MCTP1: variants seen among roughly 807,000 people sequenced by gnomAD.
MCTP1 encodes the protein multiple C2 and transmembrane domain containing 1, also known as multiple C2 and transmembrane domain-containing protein 1.
Under a neutral mutation model 120.6 loss-of-function variants are expected in MCTP1, and 69 were observed. The observed-to-expected ratio is 0.57, with a 90% CI of 0.47 to 0.70. The LOEUF is 0.70. Ranked by LOEUF, MCTP1 falls within the 30% of genes least tolerant of loss-of-function variation. MCTP1 has a pLI of 0.00. For missense variants in MCTP1, 1,203 were observed against 1,248.8 expected (o/e 0.96, Z 0.55); for synonymous variants, 529 against 493.1 (o/e 1.07, Z -0.96).
chr5:94,736,561 T>C (rs978486866), intron 19 of MCTP1, among the ~76,000 whole-genome samples: 3 of 152,170 alleles, frequency 2.0e-5, no homozygotes, highest in Non-Finnish European at 4.4e-5. Flanking sequence ...GCAATGTAAA[T>C]ATAGATTAAC....
intron 1 of MCTP1, among the ~76,000 whole-genome samples, chr5:95,100,131 G>C (rs1756615350): frequency 8.0e-6 from 1 of 124,712 alleles, no homozygotes; most frequent in South Asian, 3.1e-4. Context: ...TGTGGGGTGG[G>C]GGGAGGGGGG....
At chr5:94,711,937 A>G (rs1757191507) in intron 20 of MCTP1, among the ~76,000 whole-genome samples, 1 of 152,084 alleles carries the variant, frequency 6.6e-6, no homozygotes, top group Non-Finnish European at 1.5e-5. Flanking sequence ...ATCATAAAGA[A>G]AATAGAAACA....
chr5:94,953,886 T>A (rs1380609704), intron 2 of MCTP1, among the ~76,000 whole-genome samples: 1 of 103,234 alleles, frequency 9.7e-6, no homozygotes, highest in South Asian at 2.9e-4. Flanking sequence ...TATATGCATA[T>A]ATATACAAAT....
intron 1 of MCTP1, among the ~76,000 whole-genome samples, chr5:95,162,047 A>G (rs1745799572): frequency 6.6e-6 from 1 of 152,204 alleles, no homozygotes; most frequent in Non-Finnish European, 1.5e-5. Context: ...TGCTCCAAGC[A>G]TTTAGAATTA....
chr5:95,136,454 A>C (rs1022869115), intron 1 of MCTP1, among the ~76,000 whole-genome samples: 11 of 152,140 alleles, frequency 7.2e-5, no homozygotes, highest in Non-Finnish European at 1.6e-4. Flanking sequence ...AATTGGGATG[A>C]AGAGGGAGAG....
intron 1 of MCTP1, among the ~76,000 whole-genome samples, chr5:95,244,036 A>C (rs139674869): frequency 6.6e-6 from 1 of 152,248 alleles, no homozygotes; most frequent in African/African-American, 2.4e-5. Flanking sequence ...TGCAACCTTA[A>C]AAGACAGAGA....
chr5:95,188,862 G>T (rs1749523724), intron 1 of MCTP1, among the ~76,000 whole-genome samples: 1 of 152,114 alleles, frequency 6.6e-6, no homozygotes, highest in African/African-American at 2.4e-5. Flanking sequence ...AACATCAGTA[G>T]ATGATAACAA....
At chr5:95,179,011 A>G (rs1748323722) in intron 1 of MCTP1, among the ~76,000 whole-genome samples, 1 of 152,250 alleles carries the variant, frequency 6.6e-6, no homozygotes, top group Non-Finnish European at 1.5e-5. Context: ...AATCAAGGAT[A>G]CACTTAGAGA....
intron 17 of MCTP1, among the ~76,000 whole-genome samples, chr5:94,831,476 A>T (rs1230280139): frequency 6.6e-6 from 1 of 152,224 alleles, no homozygotes; most frequent in African/African-American, 2.4e-5. Context: ...ATTTTTTTAT[A>T]AGATCCTTGT....
intron 2 of MCTP1, 128 bp from the exon 3 acceptor site, chr5:94,953,489 A>G (rs1421442162): frequency 1.6e-6 from 1 of 611,242 alleles, no homozygotes; most frequent in East Asian, 3.3e-5. Flanking sequence ...TGCAGAAATA[A>G]GAGTTAAGTG....
Position 94,707,561 on chromosome 5 carries a change from A to G in MCTP1, c.2935T>C (p.Tyr979His). Residue 979 changes from tyrosine to histidine, a missense_variant, in exon 23 of 23, where the codon TAC (tyrosine) becomes CAC (histidine). Tyr to His is a moderately conservative substitution (Grantham distance 83). Coordinates refer to ENST00000515393, the MANE Select transcript of MCTP1 (RefSeq NM_024717.7). ...RVPSDVQVVQ[Y>H]QELKPDPSHS... ...GAAGGATCTGGTTTCAGTTCTTGGTATTGCACCTGTTTAAACAGAGTTCAG... is the reference window on the plus strand; with the variant it reads ...GAAGGATCTGGTTTCAGTTCTTGGTGTTGCACCTGTTTAAACAGAGTTCAG... 6.2e-7 allele frequency: 1 copy of G among 1,611,196 alleles called. No homozygotes were observed. The highest frequency in any genetic ancestry group is 1.1e-5 in the South Asian group (1 of 90,994).
At position 94,953,224 on chromosome 5, in the gene MCTP1, T is replaced by C; in HGVS notation, c.976A>G (p.Ile326Val). 6.2e-7 allele frequency: 1 copy of C among 1,609,840 alleles called. No individual in the cohort carries two copies. Among genetic ancestry groups the C allele is most frequent in the South Asian group, 1.1e-5 (1 of 90,088 alleles). The part of the protein sequence containing the change: ...LVDHLREPLY[I>V]KVFDYDFGLQ... ...AAAACAAATAAATGGCTCACCTTTA[T>C]ATACAATGGCTCCCTAAGATGATCA... Residue 326 changes from isoleucine (I) to valine (V), a missense_variant, in exon 3 of 23, where the codon ATA (isoleucine) becomes GTA (valine). By Grantham distance (29) the Ile-to-Val change is conservative (BLOSUM62 3). Coordinates refer to ENST00000515393, the MANE Select transcript of MCTP1 (RefSeq NM_024717.7).
rs536164607 is a variant in MCTP1, at chr5:94,736,951, T to C, written c.2611-22065A>G. Among the ~76,000 whole-genome samples, 11 of 152,274 alleles carry C rather than the reference T, an allele frequency of 7.2e-5. 1 individual carries two copies. In the South Asian group the frequency reaches 2.3e-3, roughly 32 times the overall value. ...GATAGAGAGCTAATCCCAACAGACA[T>C]GGAGACCCTGACTTCATGATGCTTA... On this transcript the variant is annotated intron_variant, in intron 19 of 22. Coordinates refer to ENST00000515393, the MANE Select transcript of MCTP1 (RefSeq NM_024717.7).
At chr5:95,057,613 T>C (rs559447989) in intron 1 of MCTP1, among the ~76,000 whole-genome samples, 67 of 152,212 alleles carry the variant, frequency 4.4e-4, no homozygotes, top group Non-Finnish European at 8.4e-4. Flanking sequence ...AATTCTCTTT[T>C]ATTCAGCAAA....
chr5:94,898,201 A>G (rs1184362131), intron 10 of MCTP1, among the ~76,000 whole-genome samples: 2 of 152,198 alleles, frequency 1.3e-5, no homozygotes, highest in Non-Finnish European at 1.5e-5. Flanking sequence ...CAATGTAGAG[A>G]ATGCCCATTT....
chr5:94,999,057 A>G (rs930321658), intron 2 of MCTP1, among the ~76,000 whole-genome samples: 3 of 151,942 alleles, frequency 2.0e-5, no homozygotes, highest in African/African-American at 7.3e-5. Flanking sequence ...TTTGTTAACC[A>G]CCTCCGTTAT....
At chr5:94,720,861 A>T (rs1036842444) in intron 19 of MCTP1, among the ~76,000 whole-genome samples, 3 of 152,218 alleles carry the variant, frequency 2.0e-5, no homozygotes, top group South Asian at 2.1e-4. Context: ...ACAGACACTC[A>T]TTAAGTAGTG....
At chr5:94,889,459 G>A (rs1384438855) in intron 11 of MCTP1, among the ~76,000 whole-genome samples, 5 of 151,768 alleles carry the variant, frequency 3.3e-5, no homozygotes, top group African/African-American at 1.2e-4. Context: ...GCGTGGTGGC[G>A]GGCACCTGTA....
At chr5:95,081,008 T>C (rs1447113173) in intron 1 of MCTP1, among the ~76,000 whole-genome samples, 2 of 152,174 alleles carry the variant, frequency 1.3e-5, no homozygotes, top group East Asian at 3.8e-4. Context: ...AAAAATATAA[T>C]GATTGAGCTA....
Sources: gnomAD v4.1 joint callset for allele counts (sites outside exome capture counted in the v4.1 genomes callset) on GRCh38, gnomAD v4.1.1 for gene constraint, MANE v1.5 for transcripts, NCBI Gene and HGNC (gene_info 2026-07-23, HGNC 2026-07-21) for gene names.